The following TBPL2 variants were observed in gnomAD, a reference collection of about 807,000 sequenced individuals.
The protein encoded by TBPL2 is TATA box-binding protein-like 2.
In TBPL2, 40 loss-of-function variants were observed where a neutral mutation model predicts 38.2. That is an observed-to-expected ratio of 1.05 (90% CI 0.81 to 1.36). The LOEUF is 1.36. TBPL2 is among the 40% of genes most tolerant of loss of function. The pLI is 0.00. For missense variants in TBPL2, 461 were observed against 456.7 expected, an observed-to-expected ratio of 1.01 and a Z score of -0.09; for synonymous variants, 169 against 171.7, an observed-to-expected ratio of 0.98 and a Z score of 0.12.
chr14:55,440,041 A>G (rs762090645), intron 1 of TBPL2, among the ~76,000 whole-genome samples: 53 of 151,934 alleles, frequency 3.5e-4, no homozygotes, highest in Non-Finnish European at 6.9e-4. Context: ...CGGAGGTTGC[A>G]GTGAGCTGAG....
At chr14:55,427,935 G>C (rs549739926) in intron 5 of TBPL2, among the ~76,000 whole-genome samples, 55 of 140,742 alleles carry the variant, frequency 3.9e-4, no homozygotes, top group African/African-American at 1.2e-3. Flanking sequence ...CTGGAGTGCA[G>C]TGGCGCGATC....
intron 6 of TBPL2, among the ~76,000 whole-genome samples, chr14:55,415,590 C>T (rs1230481881): frequency 6.6e-6 from 1 of 152,108 alleles, no homozygotes; most frequent in African/African-American, 2.4e-5. Context: ...GTAGGCGGGG[C>T]GTGGTGGCTC....
At chr14:55,434,743 T>A (rs992184219) in intron 3 of TBPL2, among the ~76,000 whole-genome samples, 1 of 152,168 alleles carries the variant, frequency 6.6e-6, no homozygotes, top group Non-Finnish European at 1.5e-5. Flanking sequence ...TCGGGTAACA[T>A]CGAGGTAACA....
At chr14:55,427,284 TGAAAAAACTGAA>T (rs1378562173) in intron 5 of TBPL2, among the ~76,000 whole-genome samples, 1 of 151,688 alleles carries the variant, frequency 6.6e-6, no homozygotes, top group Non-Finnish European at 1.5e-5. Flanking sequence ...TAGCATACAG[TGAAAAAACTGAA>T]GAAAAAAGAA....
chr14:55,428,154 G>C (rs1885861493), intron 5 of TBPL2, among the ~76,000 whole-genome samples: 1 of 43,392 alleles, frequency 2.3e-5, no homozygotes, highest in Non-Finnish European at 5.6e-5. Context: ...TTTTGAGACG[G>C]AGTCTCGCTC....
At chr14:55,420,825 C>T (rs1017277746) in intron 6 of TBPL2, among the ~76,000 whole-genome samples, 31 of 151,708 alleles carry the variant, frequency 2.0e-4, no homozygotes, top group African/African-American at 6.8e-4. Context: ...TTTGGGTGGC[C>T]GAGGCGGGTG....
intron 4 of TBPL2, among the ~76,000 whole-genome samples, chr14:55,430,576 T>C (rs1213140623): frequency 1.3e-5 from 2 of 152,004 alleles, no homozygotes; most frequent in Non-Finnish European, 2.9e-5. Context: ...CCTAAATTTT[T>C]ATAGAGACAG....
intron 4 of TBPL2, among the ~76,000 whole-genome samples, chr14:55,430,202 C>T (rs529932111): frequency 6.6e-6 from 1 of 152,084 alleles, no homozygotes; most frequent in African/African-American, 2.4e-5. Flanking sequence ...ATTCCACCCC[C>T]CTCATGGGTT....
chr14:55,422,451 A>G (rs1278539974), intron 6 of TBPL2, among the ~76,000 whole-genome samples: 1 of 152,000 alleles, frequency 6.6e-6, no homozygotes, highest in Non-Finnish European at 1.5e-5. Flanking sequence ...GGGTTTCACC[A>G]TGTTGGCCAG....
intron 6 of TBPL2, among the ~76,000 whole-genome samples, chr14:55,417,429 G>C (rs1885684596): frequency 7.0e-6 from 1 of 142,212 alleles, no homozygotes; most frequent in South Asian, 2.2e-4. Context: ...GTAATACCAG[G>C]CTCCAATGAG....
At chr14:55,433,072 C>G (rs1180124718) in intron 4 of TBPL2, among the ~76,000 whole-genome samples, 1 of 152,176 alleles carries the variant, frequency 6.6e-6, no homozygotes, top group Non-Finnish European at 1.5e-5. Flanking sequence ...TGTAGCAGCG[C>G]AGTTAAGTCC....
At chr14:55,423,593 A>G (rs890106666) in intron 6 of TBPL2, among the ~76,000 whole-genome samples, 1 of 152,258 alleles carries the variant, frequency 6.6e-6, no homozygotes, top group Non-Finnish European at 1.5e-5. Flanking sequence ...TTGTTAGCCT[A>G]TGAGCTAAGA....
At chr14:55,426,100 C>A in intron 5 of TBPL2, among the ~76,000 whole-genome samples, 1 of 151,948 alleles carries the variant, frequency 6.6e-6, no homozygotes, top group Non-Finnish European at 1.5e-5. Flanking sequence ...AACCTCGTCT[C>A]TACTAAAAAT....
intron 6 of TBPL2, among the ~76,000 whole-genome samples, chr14:55,415,558 T>C (rs1336619329): frequency 1.3e-5 from 2 of 152,146 alleles, no homozygotes; most frequent in Non-Finnish European, 2.9e-5. Context: ...TGCCCGTCAA[T>C]GGATGGATAA....
chr14:55,423,644 C>T (rs958532975), intron 6 of TBPL2, among the ~76,000 whole-genome samples: 3 of 152,194 alleles, frequency 2.0e-5, no homozygotes, highest in Admixed American at 6.5e-5. Context: ...AAAAATATTA[C>T]ATAACACACA....
chr14:55,425,117 C>T (rs1885801143), intron 5 of TBPL2, among the ~76,000 whole-genome samples: 1 of 152,208 alleles, frequency 6.6e-6, no homozygotes, highest in East Asian at 1.9e-4. Context: ...CCAAAAACAA[C>T]AGCAGATGTG....
exon 2 of TBPL2, chr14:55,436,901 T>C (rs761142781): frequency 1.9e-6 from 3 of 1,614,208 alleles, no homozygotes; most frequent in Non-Finnish European, 8.5e-7. Flanking sequence ...TCACCAGATG[T>C]TTCTTTGACT....
Position 55,437,034 on chromosome 14 carries a change from AACAG to A in TBPL2, c.151-20_151-17del. On this transcript the variant is annotated splice_polypyrimidine_tract_variant and intron_variant, in intron 1 of 6. Transcript: ENST00000247219. ...CAAGGCCATCCTAGGCAGTTCCCAA[AACAG>A]ACAGACAAAAACACAACAGACAGAA... The A allele has an allele frequency of 1.2e-6, 2 of 1,608,398 alleles. No homozygotes were observed. The highest frequency in any genetic ancestry group is 1.7e-6 in the Non-Finnish European group (2 of 1,175,114).
At chr14:55,431,921 G>C (rs1023228906) in intron 4 of TBPL2, among the ~76,000 whole-genome samples, 3 of 152,112 alleles carry the variant, frequency 2.0e-5, no homozygotes, top group Non-Finnish European at 4.4e-5. Context: ...TCTAGAGAAA[G>C]CTCTAAGTGA....
Sources: gnomAD v4.1 joint callset for allele counts (sites outside exome capture counted in the v4.1 genomes callset) on GRCh38, gnomAD v4.1.1 for gene constraint, MANE v1.5 for transcripts, NCBI Gene and HGNC (gene_info 2026-07-23, HGNC 2026-07-21) for gene names.